Variants in GALK2 observed in about 807,000 individuals in gnomAD.
GALK2 encodes N-acetylgalactosamine kinase.
Under a neutral mutation model 52.4 loss-of-function variants are expected in GALK2, and 36 were observed. The ratio of observed to expected loss-of-function variants is 0.69; its 90% CI spans 0.53 to 0.91. GALK2 has a LOEUF of 0.91. Among genes scored for constraint, GALK2 ranks in the 40% least tolerant of loss-of-function variants. The pLI is 0.00. For synonymous variants in GALK2, 176 were observed against 199.1 expected, an observed-to-expected ratio of 0.88 and a Z score of 0.98; for missense variants, 579 against 559.1, an observed-to-expected ratio of 1.04 and a Z score of -0.36.
chr15:49,184,756 C>T (rs1346058096), intron 1 of GALK2, among the ~76,000 whole-genome samples: 2 of 152,160 alleles, frequency 1.3e-5, no homozygotes, highest in African/African-American at 2.4e-5. Context: ...AATAACACTT[C>T]AACTTCATCT....
At position 49,253,981 on chromosome 15, in the gene GALK2, A is replaced by G. The variant is rs956474630; in HGVS notation, c.504+14614A>G. On this transcript the variant is annotated intron_variant, in intron 5 of 9. Coordinates refer to ENST00000560031, the MANE Select transcript of GALK2 (RefSeq NM_002044.4). ...TATTGACAATAGGGATGAATTTTCAATCTTGAAGGACATATAAATTTGTTA... is the reference window on the plus strand; with the variant it reads ...TATTGACAATAGGGATGAATTTTCAGTCTTGAAGGACATATAAATTTGTTA... Among the ~76,000 whole-genome samples, 5 of 143,994 alleles carry G rather than the reference A, an allele frequency of 3.5e-5. 1 individual carries two copies. The highest frequency in any genetic ancestry group is 7.8e-5 in the Non-Finnish European group (5 of 64,138). The allele number at this position is 143,994 out of a possible 152,430, so 94.5% of individuals were successfully genotyped here.
chr15:49,360,285 T>A (rs978736329), intron 3 of GALK2, among the ~76,000 whole-genome samples: 5 of 151,642 alleles, frequency 3.3e-5, no homozygotes, highest in African/African-American at 1.2e-4. Flanking sequence ...AGTGGGAGCA[T>A]GTGTTTATAG....
chr15:49,262,324 C>G (rs1157218792), intron 5 of GALK2, among the ~76,000 whole-genome samples: 2 of 152,086 alleles, frequency 1.3e-5, no homozygotes, highest in Non-Finnish European at 2.9e-5. Flanking sequence ...GGAATTTATC[C>G]ATTTCTTCTG....
At chr15:49,230,311 G>A (rs773635438) in intron 3 of GALK2, among the ~76,000 whole-genome samples, 9 of 152,212 alleles carry the variant, frequency 5.9e-5, no homozygotes, top group South Asian at 2.1e-4. Flanking sequence ...GGGTTGAGGC[G>A]CTCTCCTATG....
intron 5 of GALK2, among the ~76,000 whole-genome samples, chr15:49,242,092 T>C (rs2091123477): frequency 6.6e-6 from 1 of 152,212 alleles, no homozygotes; most frequent in Non-Finnish European, 1.5e-5. Context: ...GTCTTTAATT[T>C]AAATGCCATG....
chr15:49,217,527 AC>A (rs2089475037), intron 3 of GALK2, among the ~76,000 whole-genome samples: 1 of 152,216 alleles, frequency 6.6e-6, no homozygotes, highest in African/African-American at 2.4e-5. Context: ...CATGTGCTAG[AC>A]ATAGTCTTAG....
At chr15:49,218,355 C>T (rs556290541) in intron 3 of GALK2, among the ~76,000 whole-genome samples, 2 of 152,178 alleles carry the variant, frequency 1.3e-5, no homozygotes, top group Admixed American at 6.5e-5. Context: ...ATTTAAAAAT[C>T]GGTGCATAGT....
chr15:49,280,319 A>T (rs547775051), intron 5 of GALK2, among the ~76,000 whole-genome samples: 1 of 152,328 alleles, frequency 6.6e-6, no homozygotes, highest in East Asian at 1.9e-4. Context: ...GTGGTGGTGC[A>T]GGTTCCACGG....
intron 1 of GALK2, among the ~76,000 whole-genome samples, chr15:49,190,163 A>C (rs886639438): frequency 5.3e-5 from 8 of 152,200 alleles, no homozygotes; most frequent in Non-Finnish European, 7.4e-5. Flanking sequence ...GAAAACTAGA[A>C]GTTTTCTAGT....
intron 3 of GALK2, among the ~76,000 whole-genome samples, chr15:49,357,450 C>G (rs1288318153): frequency 1.3e-5 from 2 of 151,784 alleles, no homozygotes; most frequent in African/African-American, 2.4e-5. Flanking sequence ...GAGAATACTA[C>G]AAACACCTCT....
intron 8 of GALK2, among the ~76,000 whole-genome samples, chr15:49,299,735 T>TTTTCTTTCTTTC (rs869275324): frequency 3.9e-4 from 30 of 77,536 alleles, no homozygotes; most frequent in East Asian, 9.0e-4. Flanking sequence ...TCTTTCTTTC[T>TTTTCTTTCTTTC]TTTCTTTCTT....
intron 4 of GALK2, 21 bp from the exon 5 acceptor site, chr15:49,239,200 T>G: frequency 6.2e-7 from 1 of 1,609,800 alleles, no homozygotes; most frequent in Non-Finnish European, 8.5e-7. Context: ...TTACTGTTGC[T>G]GTTTTTCCTT....
intron 3 of GALK2, among the ~76,000 whole-genome samples, chr15:49,226,054 A>G (rs906735465): frequency 2.0e-5 from 3 of 152,212 alleles, no homozygotes; most frequent in Admixed American, 2.0e-4. Context: ...CCCAGTGGTC[A>G]ACTGGGGTTA....
chr15:49,349,371 T>C (rs1165170226), intron 3 of GALK2, among the ~76,000 whole-genome samples: 1 of 152,134 alleles, frequency 6.6e-6, no homozygotes, highest in Non-Finnish European at 1.5e-5. Context: ...AGGAATAAAC[T>C]AGCAATTTAC....
intron 3 of GALK2, among the ~76,000 whole-genome samples, chr15:49,234,784 TG>T (rs2090702944): frequency 6.6e-6 from 1 of 151,950 alleles, no homozygotes; most frequent in Non-Finnish European, 1.5e-5. Context: ...TTTTTTTTTT[TG>T]AGACGGAATC....
Position 49,164,514 on chromosome 15 carries a change from C to A in GALK2, c.20+8498C>A, listed in dbSNP as rs1288233327. Among the ~76,000 whole-genome samples, 5 of 152,086 alleles carry A rather than the reference C, an allele frequency of 3.3e-5. No individual in the cohort carries two copies. In the East Asian group the frequency reaches 5.8e-4, roughly 18 times the overall value. Reference sequence around the variant, plus strand: ...TAAAAAGGAAGGCTGGGCATGGTGGCTCATACCTGTAATCGCAGCACTTTG... The same window carrying A: ...TAAAAAGGAAGGCTGGGCATGGTGGATCATACCTGTAATCGCAGCACTTTG... On this transcript the variant is annotated intron_variant, in intron 1 of 9. Transcript: ENST00000327171.
At chr15:49,190,604 G>A (rs1185939980) in intron 1 of GALK2, among the ~76,000 whole-genome samples, 1 of 152,162 alleles carries the variant, frequency 6.6e-6, no homozygotes, top group Non-Finnish European at 1.5e-5. Context: ...GCCTGAGGAG[G>A]CCTCTCTACT....
intron 3 of GALK2, among the ~76,000 whole-genome samples, chr15:49,364,233 C>T (rs1166688774): frequency 6.6e-6 from 1 of 152,054 alleles, no homozygotes; most frequent in Non-Finnish European, 1.5e-5. Context: ...GCTGTGAATC[C>T]ATCTAGTCCT....
At chr15:49,217,680 A>G (rs2089493274) in intron 3 of GALK2, among the ~76,000 whole-genome samples, 1 of 152,182 alleles carries the variant, frequency 6.6e-6, no homozygotes, top group Non-Finnish European at 1.5e-5. Flanking sequence ...GTCATAGCAT[A>G]TTATTATGCT....
Sources: gnomAD v4.1 joint callset for allele counts (sites outside exome capture counted in the v4.1 genomes callset) on GRCh38, gnomAD v4.1.1 for gene constraint, MANE v1.5 for transcripts, NCBI Gene and HGNC (gene_info 2026-07-23, HGNC 2026-07-21) for gene names.